Variants in DOCK2 observed in about 807,000 individuals in gnomAD.
The protein encoded by DOCK2 is dedicator of cytokinesis protein 2.
Under a neutral mutation model 248.9 loss-of-function variants are expected in DOCK2, and 87 were observed. The observed-to-expected ratio is 0.35, with a 90% confidence interval of 0.29 to 0.42. The LOEUF is 0.42. Ranked by LOEUF, DOCK2 falls within the 10% of genes least tolerant of loss-of-function variation. The pLI, the probability that DOCK2 is intolerant of heterozygous loss-of-function variation, is 1.00. For synonymous variants in DOCK2, 805 were observed against 821.6 expected (o/e 0.98, Z 0.35); for missense variants, 1,747 against 2,300.2 (o/e 0.76, Z 4.92).
chr5:169,691,903 T>C lies in DOCK2; in HGVS notation c.843+2570T>C, dbSNP rs566293400. 1.2e-3 allele frequency among the ~76,000 whole-genome samples: 184 copies of C among 152,004 alleles called. 1 individual carries two copies. Among genetic ancestry groups the C allele is most frequent in the African/African-American group, 4.1e-3 (169 of 41,440 alleles). ...ATGGAGTCTTGCTCTGTCGCCAGGC[T>C]GGAGTGCTGTGGTGCAATCTCAGCT... is the stretch of plus-strand genomic sequence containing the variant. On this transcript the variant is annotated intron_variant, in intron 9 of 51. Transcript: ENST00000520908.
At chr5:169,663,325 G>C (rs993621982) in intron 2 of DOCK2, among the ~76,000 whole-genome samples, 7 of 152,206 alleles carry the variant, frequency 4.6e-5, no homozygotes. Flanking sequence ...AGTACCTGCA[G>C]GTTTTCTAGG....
At chr5:169,799,189 C>A (rs1766826121) in intron 25 of DOCK2, among the ~76,000 whole-genome samples, 1 of 152,218 alleles carries the variant, frequency 6.6e-6, no homozygotes, top group Non-Finnish European at 1.5e-5. Flanking sequence ...CTCCCTTTTA[C>A]CCAGAGGACT....
intron 27 of DOCK2, among the ~76,000 whole-genome samples, chr5:169,938,630 G>T (rs1776096264): frequency 6.6e-6 from 1 of 152,212 alleles, no homozygotes; most frequent in Admixed American, 6.5e-5. Context: ...CAGTGAGTAA[G>T]TGGTGAGTAA....
chr5:169,930,586 G>C (rs1363670625), intron 27 of DOCK2, among the ~76,000 whole-genome samples: 2 of 152,224 alleles, frequency 1.3e-5, no homozygotes, highest in African/African-American at 2.4e-5. Context: ...CTTTAAAAAT[G>C]AATGTGGTGG....
At chr5:169,781,720 T>G (rs261582) in intron 25 of DOCK2, among the ~76,000 whole-genome samples, 23,546 of 152,088 alleles carry the variant, frequency 0.15, 1,900 homozygotes, top group Non-Finnish European at 0.18. Context: ...TTAGAACTAG[T>G]TCTGTGTTTC....
intron 27 of DOCK2, among the ~76,000 whole-genome samples, chr5:169,850,799 A>G (rs1417596313): frequency 6.6e-6 from 1 of 152,234 alleles, no homozygotes; most frequent in Non-Finnish European, 1.5e-5. Flanking sequence ...GACGGAAGTC[A>G]TTTATCAAGG....
chr5:169,871,948 G>T (rs192688469), intron 27 of DOCK2, among the ~76,000 whole-genome samples: 83 of 152,310 alleles, frequency 5.4e-4, no homozygotes, highest in African/African-American at 1.6e-3. Context: ...CAGCAATCTT[G>T]GGTCTGGTAT....
intron 5 of DOCK2, 29 bp downstream of exon 5, chr5:169,671,203 T>C: frequency 6.3e-7 from 1 of 1,589,274 alleles, no homozygotes; most frequent in Non-Finnish European, 8.6e-7. Context: ...CTCCCTGAGT[T>C]GGAAGCTTCT....
At chr5:169,737,206 A>C (rs1763083447) in intron 22 of DOCK2, among the ~76,000 whole-genome samples, 2 of 152,172 alleles carry the variant, frequency 1.3e-5, no homozygotes, top group South Asian at 4.1e-4. Flanking sequence ...AGGGTGTAGT[A>C]GGTGAAAATA....
intron 1 of DOCK2, among the ~76,000 whole-genome samples, chr5:169,651,871 G>C (rs138152592): frequency 6.6e-6 from 1 of 152,180 alleles, no homozygotes. Flanking sequence ...AGTGTTGGTC[G>C]ACAGAGCAGT....
At chr5:170,046,333 G>T (rs563834299) in intron 39 of DOCK2, among the ~76,000 whole-genome samples, 1 of 152,310 alleles carries the variant, frequency 6.6e-6, no homozygotes, top group Admixed American at 6.5e-5. Context: ...CCATGCTCAG[G>T]ATTTGGTGGG....
chr5:169,950,184 G>T (rs1013394456), intron 27 of DOCK2, among the ~76,000 whole-genome samples: 3 of 152,182 alleles, frequency 2.0e-5, no homozygotes, highest in African/African-American at 7.2e-5. Flanking sequence ...GTGGTTGGAA[G>T]CTTGGTCACT....
chr5:169,888,114 G>C lies in DOCK2; in HGVS notation c.2799+47262G>C, dbSNP rs972599631. Reference sequence around the variant, plus strand: ...TCTCGTATTTTTAGACAGAGCCTAGGAAGTTTAGGAAATACAAAATTTTCT... The same window carrying C: ...TCTCGTATTTTTAGACAGAGCCTAGCAAGTTTAGGAAATACAAAATTTTCT... On this transcript the variant is annotated intron_variant, in intron 27 of 51. Transcript: ENST00000520908. Among the ~76,000 whole-genome samples the C allele has an allele frequency of 7.9e-5, 12 of 152,184 alleles. 1 individual carries two copies. The highest frequency in any genetic ancestry group is 2.9e-5 in the Non-Finnish European group (2 of 68,032).
At chr5:170,041,408 C>T (rs540876626) in intron 37 of DOCK2, among the ~76,000 whole-genome samples, 12 of 152,228 alleles carry the variant, frequency 7.9e-5, no homozygotes, top group East Asian at 1.9e-4. Context: ...CTGCTATTAA[C>T]GGTAAATCAT....
intron 22 of DOCK2, among the ~76,000 whole-genome samples, chr5:169,727,046 T>A (rs1261715188): frequency 6.8e-6 from 1 of 146,758 alleles, no homozygotes; most frequent in Non-Finnish European, 1.5e-5. Flanking sequence ...CCAGTCTGAG[T>A]GATAGAGTGC....
intron 50 of DOCK2, chr5:170,080,692 T>A (rs1758000095): frequency 5.2e-6 from 1 of 191,388 alleles, no homozygotes; most frequent in Admixed American, 5.4e-5. Context: ...CCACCACATC[T>A]TATAGCTGCA....
chr5:169,993,671 T>C (rs772051814), intron 29 of DOCK2, among the ~76,000 whole-genome samples: 9 of 152,300 alleles, frequency 5.9e-5, no homozygotes, highest in Admixed American at 1.3e-4. Context: ...CAGTGCCTGA[T>C]GTAGCAAATG....
intron 27 of DOCK2, among the ~76,000 whole-genome samples, chr5:169,904,091 C>CAAAAAAAA (rs57983281): frequency 1.4e-5 from 1 of 70,398 alleles, no homozygotes; most frequent in Non-Finnish European, 3.0e-5. Context: ...GACTTCGTCT[C>CAAAAAAAA]AAAAAAAAAA....
chr5:169,847,226 A>G (rs1212778795), intron 27 of DOCK2, among the ~76,000 whole-genome samples: 1 of 152,182 alleles, frequency 6.6e-6, no homozygotes, highest in South Asian at 2.1e-4. Flanking sequence ...TGAGATTGCT[A>G]GATTGAATGG....
Sources: allele counts gnomAD v4.1 joint callset (sites outside exome capture counted in the v4.1 genomes callset), GRCh38; gene constraint gnomAD v4.1.1; transcripts MANE v1.5; gene names NCBI Gene and HGNC (gene_info 2026-07-23, HGNC 2026-07-21).